The following HERC2 variants were observed in gnomAD, a reference collection of about 807,000 sequenced individuals.
HERC2 encodes HECT and RLD domain containing E3 ubiquitin protein ligase 2, also known as E3 ubiquitin-protein ligase HERC2.
Under a neutral mutation model 537.7 loss-of-function variants are expected in HERC2, and 102 were observed. The ratio of observed to expected loss-of-function variants is 0.19; its 90% CI spans 0.16 to 0.22. The LOEUF (loss-of-function observed/expected upper bound fraction) is 0.22, where lower values mean the gene tolerates loss of function less well. Ranked by LOEUF, HERC2 falls within the 10% of genes least tolerant of loss-of-function variation. The pLI, the probability that HERC2 is intolerant of heterozygous loss-of-function variation, is 1.00. For missense variants in HERC2, 4,236 were observed against 6,198.2 expected, an observed-to-expected ratio of 0.68 and a Z score of 10.63; for synonymous variants, 2,224 against 2,466.2, an observed-to-expected ratio of 0.90 and a Z score of 2.91.
At chr15:28,226,735 G>A (rs561684493) in intron 35 of HERC2, among the ~76,000 whole-genome samples, 3 of 152,218 alleles carry the variant, frequency 2.0e-5, no homozygotes, top group African/African-American at 4.8e-5. Flanking sequence ...GACGACAAAA[G>A]AGAAACAGAT....
At chr15:28,316,222 CAAAAAAA>C (rs869089875) in intron 2 of HERC2, among the ~76,000 whole-genome samples, 2,867 of 50,448 alleles carry the variant, frequency 0.057, 51 homozygotes, top group African/African-American at 0.099. Context: ...GACTCTGTCT[CAAAAAAA>C]AAAAAAAAAA....
intron 55 of HERC2, among the ~76,000 whole-genome samples, chr15:28,189,498 T>C (rs185293415): frequency 6.6e-6 from 1 of 152,206 alleles, no homozygotes; most frequent in African/African-American, 2.4e-5. Flanking sequence ...TCAGATAAAT[T>C]CAATATTATC....
At chr15:28,243,917 G>A (rs938019675) in intron 23 of HERC2, among the ~76,000 whole-genome samples, 3 of 152,152 alleles carry the variant, frequency 2.0e-5, no homozygotes, top group Non-Finnish European at 2.9e-5. Flanking sequence ...TGGCAGGAGC[G>A]CTGGCTCATG....
chr15:28,150,652 C>T lies in HERC2; in HGVS notation c.10900+2025G>A, dbSNP rs111594547. Among the ~76,000 whole-genome samples the T allele has an allele frequency of 2.0e-3, 294 of 149,788 alleles. 1 individual carries two copies. The Middle Eastern group carries it at 0.039, about 20-fold the overall frequency. On this transcript the variant is annotated intron_variant, in intron 70 of 92. Transcript: ENST00000261609. ...CCAAAAAAACACACACGGCTCCTAACCAAGAACATCACCAACAACGGCCAC... is the reference window on the plus strand; with the variant it reads ...CCAAAAAAACACACACGGCTCCTAATCAAGAACATCACCAACAACGGCCAC...
chr15:28,183,925 C>T (rs1896057888), intron 56 of HERC2, among the ~76,000 whole-genome samples: 1 of 152,190 alleles, frequency 6.6e-6, no homozygotes, highest in Non-Finnish European at 1.5e-5. Context: ...CAGTAGCTCA[C>T]ACCTGTAATC....
At chr15:28,143,680 T>A (rs1438079451) in intron 74 of HERC2, among the ~76,000 whole-genome samples, 193 bp downstream of exon 74, 1 of 152,022 alleles carries the variant, frequency 6.6e-6, no homozygotes, top group Non-Finnish European at 1.5e-5. Flanking sequence ...TCTCCTGACC[T>A]CGTGATCCGC....
intron 2 of HERC2, chr15:28,312,817 A>T: frequency 1.0e-6 from 1 of 976,384 alleles, no homozygotes; most frequent in Non-Finnish European, 1.2e-6. Context: ...TAATTAGGTT[A>T]TTTGGGCTGA....
chr15:28,143,399 T>C (rs752620575), intron 74 of HERC2, among the ~76,000 whole-genome samples: 119 of 152,280 alleles, frequency 7.8e-4, no homozygotes, highest in Non-Finnish European at 1.3e-3. Flanking sequence ...CAGTATACAC[T>C]GCAACATACG....
rs1389706549 is a variant in HERC2 at position 28,268,113 on chromosome 15, G to T, written c.1598+352C>A. Among the ~76,000 whole-genome samples the T allele has an allele frequency of 6.6e-6, 1 of 152,306 alleles. No individual in the cohort carries two copies. The highest frequency in any genetic ancestry group is 1.5e-5 in the Non-Finnish European group (1 of 68,022). On this transcript the variant is annotated intron_variant, in intron 12 of 92. Coordinates refer to ENST00000261609, the MANE Select transcript of HERC2 (RefSeq NM_004667.6). This position sits in a 1 kb window ranked among gnomAD's most constrained non-coding sequence, Gnocchi z 4.7. ...ATAATATATGGTTCAAGAAAAGGGTGACAACCTTATCTATGAGAGACAGGG... is the reference window on the plus strand; with the variant it reads ...ATAATATATGGTTCAAGAAAAGGGTTACAACCTTATCTATGAGAGACAGGG...
intron 47 of HERC2, 76 bp from the exon 48 acceptor site, chr15:28,201,630 A>C (rs1398558033): frequency 1.1e-6 from 1 of 920,248 alleles, no homozygotes; most frequent in African/African-American, 1.7e-5. Context: ...TAAGTCTGTG[A>C]AATCTATAAT....
In HERC2 at chr15:28,176,661, A is replaced by G. The variant is rs772004737; in HGVS notation, c.9514+26T>C. On this transcript the variant is annotated intron_variant, in intron 62 of 92. Coordinates refer to ENST00000261609, the MANE Select transcript of HERC2 (RefSeq NM_004667.6). The surrounding 1 kb of genome is among the most constrained non-coding windows in gnomAD (Gnocchi z 5.0). ...TTCATATCATTCCTACCCACCCAGAAGCACAGAATCCTGCCAGCCACTCAC... is the reference window on the plus strand; with the variant it reads ...TTCATATCATTCCTACCCACCCAGAGGCACAGAATCCTGCCAGCCACTCAC... The G allele has an allele frequency of 1.9e-6, 3 of 1,614,082 alleles. No individual in the cohort carries two copies. Among genetic ancestry groups the G allele is most frequent in the Non-Finnish European group, 2.5e-6 (3 of 1,179,962 alleles).
chr15:28,228,360 T>A lies in HERC2; in HGVS notation c.5322A>T (p.Gly1774=), dbSNP rs759337602. 5 of 1,612,068 alleles carry A rather than the reference T, an allele frequency of 3.1e-6. No individual in the cohort carries two copies. Among genetic ancestry groups the A allele is most frequent in the Non-Finnish European group, 4.2e-6 (5 of 1,179,860 alleles). Residue 1774 remains glycine, a synonymous_variant, in exon 35 of 93, where the codon GGA becomes GGT. Transcript: ENST00000261609. The part of the protein sequence containing the change: ...LQTITNENPS[G]PSLGTIPQAR... ...CTTGCGGGATGGTCCCCAGGCTCGG[T>A]CCTGACGGGTTCTCATTGGTGATGG...
rs1037032627 is a variant in HERC2 at position 28,220,324 on chromosome 15, C to A, written c.5845+128G>T. On this transcript the variant is annotated intron_variant, in intron 37 of 92. Transcript: ENST00000261609. Reference sequence around the variant, plus strand: ...GGGAGCTTATTTAAATTGCAGGCTCCGAGGACAGAGCGCCAGCTGCAGGTG... The same window carrying A: ...GGGAGCTTATTTAAATTGCAGGCTCAGAGGACAGAGCGCCAGCTGCAGGTG... The A allele has an allele frequency of 6.0e-6, 5 of 839,880 alleles. No individual in the cohort carries two copies. The Admixed American group carries it at 9.1e-5, about 15-fold the overall frequency. The allele number at this position is 839,880 out of a possible 1,614,324, so 52.0% of individuals were successfully genotyped here.
intron 7 of HERC2, among the ~76,000 whole-genome samples, chr15:28,273,531 G>C (rs2075795372): frequency 6.6e-6 from 1 of 152,120 alleles, no homozygotes; most frequent in African/African-American, 2.4e-5. Context: ...GGATCTTATG[G>C]TATCAATATT....
chr15:28,176,657 C>A lies in HERC2; in HGVS notation c.9514+30G>T. 1.2e-6 allele frequency: 2 copies of A among 1,614,018 alleles called. No homozygotes were observed. The highest frequency in any genetic ancestry group is 1.6e-4 in the Middle Eastern group (1 of 6,062). On this transcript the variant is annotated intron_variant, in intron 62 of 92. Coordinates refer to ENST00000261609, the MANE Select transcript of HERC2 (RefSeq NM_004667.6). The surrounding 1 kb of genome is among the most constrained non-coding windows in gnomAD (Gnocchi z 5.0). ...GCGTTTCATATCATTCCTACCCACCCAGAAGCACAGAATCCTGCCAGCCAC... is the reference window on the plus strand; with the variant it reads ...GCGTTTCATATCATTCCTACCCACCAAGAAGCACAGAATCCTGCCAGCCAC...
rs1596350376 is a variant in HERC2, at chr15:28,265,926, G to A, written c.1647C>T (p.Ala549=). The A allele has an allele frequency of 1.6e-5, 26 of 1,614,000 alleles. No homozygotes were observed. The East Asian group carries it at 2.9e-4, about 18-fold the overall frequency. The change falls in exon 13 of 93, where the codon GCC becomes GCT. Residue 549 remains alanine (A), a synonymous_variant. Transcript: ENST00000261609. This position sits in a 1 kb window ranked among gnomAD's most constrained non-coding sequence, Gnocchi z 4.0. Reference sequence around the variant, plus strand: ...AAGCGATGTGCACCACGTGCTTCCCGGCCTGCTTTCCAGAGAAGGCGGAGA... The same window carrying A: ...AAGCGATGTGCACCACGTGCTTCCCAGCCTGCTTTCCAGAGAAGGCGGAGA... ...KVISAFSGKQ[A]GKHVVHIACG...
rs779822912 is a variant in HERC2 at position 28,146,316 on chromosome 15, G to C, written c.10929C>G (p.Asp3643Glu). 6.2e-7 allele frequency: 1 copy of C among 1,613,930 alleles called. No individual in the cohort carries two copies. The highest frequency in any genetic ancestry group is 1.3e-5 in the African/African-American group (1 of 74,888). The change falls in exon 71 of 93, where the codon GAC becomes GAG. Residue 3643 changes from aspartate (D) to glutamate (E), a missense_variant. By Grantham distance (45) the Asp-to-Glu change is conservative. Transcript: ENST00000261609. ...PGAEGLRVEF[D>E]RQCSTERRHD... is the part of the protein sequence containing the mutation. ...GGCGCCTCTCTGTGGAGCACTGCCG[G>C]TCAAATTCTACCCTGAGTCCTTCTG...
intron 4 of HERC2, among the ~76,000 whole-genome samples, chr15:28,285,408 A>C (rs2076130083): frequency 6.6e-6 from 1 of 152,210 alleles, no homozygotes; most frequent in Non-Finnish European, 1.5e-5. Flanking sequence ...AAAATTGCCT[A>C]ACTCTCAGAA....
chr15:28,179,028 T>A lies in HERC2; in HGVS notation c.9022A>T (p.Thr3008Ser). 1 of 1,613,412 alleles carries A rather than the reference T, an allele frequency of 6.2e-7. No homozygotes were observed. The highest frequency in any genetic ancestry group is 8.5e-7 in the Non-Finnish European group (1 of 1,179,580). The change falls in exon 59 of 93, where the codon ACT becomes TCT. Residue 3008 changes from threonine to serine, a missense_variant and splice_region_variant. Thr to Ser is a moderately conservative substitution (Grantham distance 58). Around this residue, in one of 27 missense-constraint regions of HERC2, gnomAD observed 606 missense variants for 884.5 expected, o/e 0.69. Transcript: ENST00000261609. ...CAGGCATACACCTTCCCTTCCACAG[T>A]CACTGCAAGGAACGACAGCCAGGAG... is the stretch of plus-strand genomic sequence containing the variant. Reference protein sequence around the residue: ...AGGSKSLFAVTVEGKVYACGE... With the variant: ...AGGSKSLFAVSVEGKVYACGE...
Sources: gnomAD v4.1 joint callset for allele counts (sites outside exome capture counted in the v4.1 genomes callset) on GRCh38, gnomAD v4.1.1 for gene constraint, gnomAD v4.1.1 regional missense constraint, Gnocchi (gnomAD v3.1) non-coding constraint, MANE v1.5 for transcripts, NCBI Gene and HGNC (gene_info 2026-07-23, HGNC 2026-07-21) for gene names.